Variants in MORC1 observed in about 807,000 individuals in gnomAD.
MORC1 encodes MORC family CW-type zinc finger protein 1.
In MORC1, 59 loss-of-function variants were observed where a neutral mutation model predicts 134.9. That is an observed-to-expected ratio of 0.44 (90% CI 0.35 to 0.54). The LOEUF is 0.54. Among genes scored for constraint, MORC1 ranks in the 20% least tolerant of loss-of-function variants. The pLI is 0.00. For synonymous variants in MORC1, 395 were observed against 391.7 expected (o/e 1.01, Z -0.10); for missense variants, 947 against 1,134.5 (o/e 0.83, Z 2.37).
intron 13 of MORC1, among the ~76,000 whole-genome samples, chr3:109,055,128 C>T (rs1949926760): frequency 6.6e-6 from 1 of 152,122 alleles, no homozygotes; most frequent in South Asian, 2.1e-4. Flanking sequence ...ACTCGTTTTA[C>T]AAATCTATCG....
Position 109,057,501 on chromosome 3 carries a change from A to T in MORC1, c.1032-15T>A. 3.2e-6 allele frequency: 5 copies of T among 1,550,848 alleles called. No homozygotes were observed. The highest frequency in any genetic ancestry group is 2.1e-5 in the Admixed American group (1 of 47,440). ...TTTTTAATTCTCTAGAGTTACATTT[A>T]AAAAGTTTAAAAAGTTGTTTATTAA... On this transcript the variant is annotated splice_polypyrimidine_tract_variant and intron_variant, in intron 12 of 27. Transcript: ENST00000232603.
chr3:109,004,070 A>AAAAAAT (rs560073064), intron 20 of MORC1, among the ~76,000 whole-genome samples: 3,401 of 152,120 alleles, frequency 0.022, 61 homozygotes, highest in Middle Eastern at 0.1. Context: ...TTCGTCTCAA[A>AAAAAAT]AAAAATAAGA....
intron 17 of MORC1, among the ~76,000 whole-genome samples, chr3:109,015,353 T>A (rs1948792976): frequency 1.3e-5 from 2 of 152,190 alleles, no homozygotes; most frequent in African/African-American, 4.8e-5. Context: ...GATCTATACC[T>A]AGAAGATTAT....
chr3:108,994,996 T>C (rs1390240241), intron 21 of MORC1, among the ~76,000 whole-genome samples: 1 of 152,220 alleles, frequency 6.6e-6, no homozygotes, highest in Non-Finnish European at 1.5e-5. Context: ...TCTCATTGTT[T>C]CATTTGTACT....
intron 26 of MORC1, among the ~76,000 whole-genome samples, chr3:108,966,795 A>G (rs1490987988): frequency 6.6e-6 from 1 of 152,054 alleles, no homozygotes; most frequent in Admixed American, 6.6e-5. Context: ...GAATATCAGG[A>G]GGGGAAAGGC....
At chr3:109,104,316 T>G (rs1192863733) in intron 3 of MORC1, among the ~76,000 whole-genome samples, 1 of 152,156 alleles carries the variant, frequency 6.6e-6, no homozygotes, top group Non-Finnish European at 1.5e-5. Context: ...AAAGCACAAT[T>G]ATAAAATAAA....
intron 8 of MORC1, among the ~76,000 whole-genome samples, chr3:109,091,538 A>G (rs1950727904): frequency 6.6e-6 from 1 of 152,152 alleles, no homozygotes. Context: ...ACAGTAGGTC[A>G]AAATCAACAA....
At chr3:109,078,912 T>A (rs1950473528) in intron 8 of MORC1, among the ~76,000 whole-genome samples, 2 of 151,846 alleles carry the variant, frequency 1.3e-5, no homozygotes, top group African/African-American at 4.8e-5. Flanking sequence ...TATAAGAAAT[T>A]ATAAATGACA....
At chr3:109,062,335 T>C (rs1247358678) in intron 10 of MORC1, among the ~76,000 whole-genome samples, 3 of 152,062 alleles carry the variant, frequency 2.0e-5, no homozygotes, top group Non-Finnish European at 2.9e-5. Context: ...CCACAAAATA[T>C]GGATATAGAG....
chr3:108,963,708 C>G, intron 26 of MORC1, 100 bp from the exon 27 acceptor site: 1 of 786,358 alleles, frequency 1.3e-6, no homozygotes, highest in Non-Finnish European at 1.9e-6. Flanking sequence ...CTACATGTAC[C>G]AAGTGTCAAC....
intron 17 of MORC1, among the ~76,000 whole-genome samples, chr3:109,018,282 C>T (rs1412203135): frequency 6.6e-6 from 1 of 151,972 alleles, no homozygotes; most frequent in Non-Finnish European, 1.5e-5. Flanking sequence ...CACTTGGGAC[C>T]TGGACTAAAA....
At chr3:109,095,836 A>T (rs78252612) in intron 6 of MORC1, among the ~76,000 whole-genome samples, 4,960 of 148,306 alleles carry the variant, frequency 0.033, 252 homozygotes, top group African/African-American at 0.11. Context: ...ATTCCCCAAT[A>T]AAAAAAAAAG....
intron 21 of MORC1, among the ~76,000 whole-genome samples, chr3:108,992,271 C>T (rs1478698073): frequency 1.3e-5 from 2 of 152,164 alleles, no homozygotes; most frequent in Non-Finnish European, 2.9e-5. Context: ...CACATCTCTG[C>T]CATGTAAATG....
rs1383163727 is a variant in MORC1 at position 109,008,938 on chromosome 3, C to T, written c.1705-1847G>A. On this transcript the variant is annotated intron_variant, in intron 17 of 27. Transcript: ENST00000232603. ...TACAGTTGAGGCAAACGTCAAACTA[C>T]TTTTCCCCTTCTATCACCCTTGACT... Among the ~76,000 whole-genome samples, 3 of 152,184 alleles carry T rather than the reference C, an allele frequency of 2.0e-5. No homozygotes were observed. In the South Asian group the frequency reaches 6.2e-4, roughly 32 times the overall value.
chr3:109,045,173 T>C (rs1380133274), intron 14 of MORC1, among the ~76,000 whole-genome samples: 1 of 152,156 alleles, frequency 6.6e-6, no homozygotes, highest in African/African-American at 2.4e-5. Flanking sequence ...CTGGAGAATG[T>C]TAAATCAGTT....
intron 17 of MORC1, among the ~76,000 whole-genome samples, chr3:109,018,376 C>T (rs1948867661): frequency 6.6e-6 from 1 of 151,908 alleles, no homozygotes; most frequent in African/African-American, 2.4e-5. Context: ...CATTTACCTC[C>T]CTGGAAATAT....
At chr3:109,092,070 GT>G (rs1950740413) in intron 8 of MORC1, among the ~76,000 whole-genome samples, 1 of 152,140 alleles carries the variant, frequency 6.6e-6, no homozygotes, top group Admixed American at 6.5e-5. Flanking sequence ...TGAAATATCG[GT>G]TTTGGAACCA....
chr3:109,016,779 G>A (rs1359367416), intron 17 of MORC1, among the ~76,000 whole-genome samples: 3 of 152,090 alleles, frequency 2.0e-5, no homozygotes, highest in Admixed American at 6.6e-5. Flanking sequence ...CAGGAGAATC[G>A]CTTAAATCCT....
intron 17 of MORC1, among the ~76,000 whole-genome samples, chr3:109,013,591 G>T (rs1948748474): frequency 6.6e-6 from 1 of 152,140 alleles, no homozygotes; most frequent in African/African-American, 2.4e-5. Context: ...AAGTGTATTT[G>T]TATGGATTCT....
Sources: allele counts gnomAD v4.1 joint callset (sites outside exome capture counted in the v4.1 genomes callset), GRCh38; gene constraint gnomAD v4.1.1; transcripts MANE v1.5; gene names NCBI Gene and HGNC (gene_info 2026-07-23, HGNC 2026-07-21).